The following ANKS1B variants were observed in gnomAD, a reference collection of about 807,000 sequenced individuals.
ANKS1B encodes ankyrin repeat and sterile alpha motif domain containing 1B.
In ANKS1B, 36 loss-of-function variants were observed where a neutral mutation model predicts 148.3. That is an observed-to-expected ratio of 0.24 (90% CI 0.19 to 0.32). The LOEUF is 0.32. Among genes scored for constraint, ANKS1B ranks in the 10% least tolerant of loss-of-function variants. The pLI, the probability that ANKS1B is intolerant of heterozygous loss-of-function variation, is 1.00. For synonymous variants in ANKS1B, 542 were observed against 560.8 expected (o/e 0.97, Z 0.47); for missense variants, 1,157 against 1,542.6 (o/e 0.75, Z 4.19).
At chr12:98,841,369 T>C (rs2099404866) in intron 17 of ANKS1B, among the ~76,000 whole-genome samples, 1 of 152,122 alleles carries the variant, frequency 6.6e-6, no homozygotes, top group Admixed American at 6.5e-5. Context: ...CGTTTTTGGA[T>C]TATAAGTGGT....
intron 9 of ANKS1B, among the ~76,000 whole-genome samples, chr12:99,638,111 T>A (rs2098260768): frequency 6.6e-6 from 1 of 152,142 alleles, no homozygotes; most frequent in Non-Finnish European, 1.5e-5. Context: ...TTTGTTTCCC[T>A]TTCTGCCACG....
At chr12:99,273,578 T>TG (rs1469245763) in intron 12 of ANKS1B, among the ~76,000 whole-genome samples, 2 of 144,078 alleles carry the variant, frequency 1.4e-5, no homozygotes, top group Admixed American at 1.4e-4. Flanking sequence ...TTTGCGATTT[T>TG]TTTTTTTTTT....
At chr12:98,743,455 G>C (rs1337104798), downstream of ANKS1B, among the ~76,000 whole-genome samples, 1 of 152,076 alleles carries the variant, frequency 6.6e-6, no homozygotes, top group Non-Finnish European at 1.5e-5. Context: ...CCTGCCCATG[G>C]TTATTGAAGT....
At chr12:99,054,375 C>G (rs1230899123) in intron 16 of ANKS1B, among the ~76,000 whole-genome samples, 1 of 152,166 alleles carries the variant, frequency 6.6e-6, no homozygotes, top group African/African-American at 2.4e-5. Context: ...GTCTGGGAAT[C>G]AGGGATTCAG....
intron 17 of ANKS1B, among the ~76,000 whole-genome samples, chr12:98,972,245 T>C (rs1437860279): frequency 6.6e-6 from 1 of 152,228 alleles, no homozygotes; most frequent in East Asian, 1.9e-4. Context: ...TTGCATTGTT[T>C]TGACAAGTGA....
At chr12:99,087,761 G>GT (rs992185069) in intron 15 of ANKS1B, among the ~76,000 whole-genome samples, 90 of 152,202 alleles carry the variant, frequency 5.9e-4, no homozygotes, top group East Asian at 1.9e-4. Flanking sequence ...AGAGGACCTG[G>GT]TTTTTTTGCA....
intron 9 of ANKS1B, among the ~76,000 whole-genome samples, chr12:99,633,907 T>C (rs568833815): frequency 1.8e-3 from 273 of 152,304 alleles, no homozygotes; most frequent in Admixed American, 6.1e-3. Flanking sequence ...ATGTCTACCA[T>C]ATGCCTGTAT....
intron 14 of ANKS1B, among the ~76,000 whole-genome samples, chr12:99,211,213 C>T (rs191742785): frequency 4.6e-5 from 7 of 152,260 alleles, no homozygotes; most frequent in African/African-American, 1.7e-4. Flanking sequence ...CATTGGCTAG[C>T]ACTGAGCTCC....
At chr12:98,978,735 C>T (rs1024957959) in intron 17 of ANKS1B, among the ~76,000 whole-genome samples, 8 of 152,014 alleles carry the variant, frequency 5.3e-5, no homozygotes, top group Non-Finnish European at 1.0e-4. Context: ...ATTTTTCCTG[C>T]TATTGTGATA....
intron 12 of ANKS1B, among the ~76,000 whole-genome samples, chr12:99,357,128 AT>A (rs1305956337): frequency 2.0e-5 from 3 of 152,226 alleles, no homozygotes; most frequent in African/African-American, 7.2e-5. Flanking sequence ...GTATCTATTT[AT>A]AACACTTTTT....
intron 1 of ANKS1B, among the ~76,000 whole-genome samples, chr12:99,882,323 GAAGA>G (rs1324382071): frequency 1.3e-5 from 2 of 152,138 alleles, no homozygotes; most frequent in African/African-American, 4.8e-5. Context: ...CAGAAGGAGA[GAAGA>G]GAGAGTATAG....
intron 14 of ANKS1B, among the ~76,000 whole-genome samples, chr12:99,158,271 C>A (rs912311621): frequency 3.3e-5 from 5 of 152,046 alleles, no homozygotes; most frequent in Non-Finnish European, 5.9e-5. Context: ...TAACAACACA[C>A]TAATTAGGCA....
intron 1 of ANKS1B, among the ~76,000 whole-genome samples, chr12:99,910,434 G>A (rs2093966115): frequency 6.7e-6 from 1 of 150,212 alleles, no homozygotes; most frequent in African/African-American, 2.5e-5. Context: ...AACATGCTAA[G>A]TGAAAGAAGA....
intron 12 of ANKS1B, among the ~76,000 whole-genome samples, chr12:99,383,336 T>C (rs1391897396): frequency 3.9e-5 from 6 of 152,204 alleles, no homozygotes; most frequent in Non-Finnish European, 5.9e-5. Context: ...GGCTTATTTA[T>C]GTGGCGATGA....
intron 17 of ANKS1B, chr12:98,894,867 G>T: frequency 2.0e-6 from 2 of 979,190 alleles, no homozygotes; most frequent in Non-Finnish European, 1.2e-6. Context: ...CTCCCCGCGA[G>T]CTCCCCGGGC....
At chr12:99,267,828 C>T (rs1380339300) in intron 12 of ANKS1B, among the ~76,000 whole-genome samples, 1 of 152,078 alleles carries the variant, frequency 6.6e-6, no homozygotes, top group East Asian at 1.9e-4. Context: ...GAGGTGCATT[C>T]CAAGCACAGG....
chr12:99,955,651 G>A (rs968946873), intron 1 of ANKS1B, among the ~76,000 whole-genome samples: 3 of 151,872 alleles, frequency 2.0e-5, no homozygotes, highest in Non-Finnish European at 2.9e-5. Flanking sequence ...TTATATGGTT[G>A]CTGGAGGAAA....
chr12:99,548,333 G>T (rs1406007611), intron 9 of ANKS1B, among the ~76,000 whole-genome samples: 1 of 151,634 alleles, frequency 6.6e-6, no homozygotes, highest in Non-Finnish European at 1.5e-5. Context: ...CTACCAAATG[G>T]CCCTTTCCCT....
chr12:98,861,958 GT>G (rs370633897), intron 17 of ANKS1B, among the ~76,000 whole-genome samples: 1,824 of 148,738 alleles, frequency 0.012, 23 homozygotes, highest in Middle Eastern at 0.035. Context: ...TGACAGATGA[GT>G]TTTTTTTTAC....
Sources: gnomAD v4.1 joint callset for allele counts (sites outside exome capture counted in the v4.1 genomes callset) on GRCh38, gnomAD v4.1.1 for gene constraint, MANE v1.5 for transcripts, NCBI Gene and HGNC (gene_info 2026-07-23, HGNC 2026-07-21) for gene names.